The following ZNF701 variants were observed in gnomAD, a reference collection of about 807,000 sequenced individuals.
ZNF701 encodes the protein zinc finger protein 701.
In ZNF701, 6 loss-of-function variants were observed where a neutral mutation model predicts 7.1. The ratio of observed to expected loss-of-function variants is 0.84; its 90% CI spans 0.46 to 1.66. The LOEUF (loss-of-function observed/expected upper bound fraction) is 1.66. Among genes scored for constraint, ZNF701 ranks in the 40% most tolerant of loss-of-function variants. The pLI is 0.01. For synonymous variants in ZNF701, 166 were observed against 188.2 expected (o/e 0.88, Z 0.97); for missense variants, 541 against 559.2 (o/e 0.97, Z 0.33).
chr19:52,579,468 C>T (rs1430007809), intron 3 of ZNF701, among the ~76,000 whole-genome samples: 1 of 127,288 alleles, frequency 7.9e-6, no homozygotes, highest in Non-Finnish European at 1.5e-5. Context: ...TGCAGTGATC[C>T]GAGATTGTGC....
At chr19:52,588,135 C>G (rs895871417), downstream of ZNF701, among the ~76,000 whole-genome samples, 13 of 151,958 alleles carry the variant, frequency 8.6e-5, no homozygotes, top group African/African-American at 2.7e-4. Context: ...ATCTTTGTCC[C>G]TGGTGAGGTC....
At chr19:52,600,145 C>A in the ZNF701 span, among the ~76,000 whole-genome samples, 1 of 152,088 alleles carries the variant, frequency 6.6e-6, no homozygotes, top group Admixed American at 6.5e-5. Flanking sequence ...ATTTTTATTT[C>A]TTTATTATCG....
chr19:52,582,313 C>G lies in ZNF701; in HGVS notation c.254C>G (p.Thr85Ser), dbSNP rs765963118. The change falls in exon 4 of 4, where the codon ACT (threonine) becomes AGT (serine). Residue 85 changes from threonine (T) to serine (S), a missense_variant. Thr to Ser is a moderately conservative substitution (Grantham distance 58, BLOSUM62 1). Coordinates refer to ENST00000391785, the MANE Select transcript of ZNF701 (RefSeq NM_018260.3). ...QIHASHHIGD[T>S]CFQEIEKDIH... ...CATGCAAGTCATCACATTGGAGATA[C>G]TTGCTTCCAGGAAATTGAGAAAGAT... The G allele has an allele frequency of 5.0e-6, 8 of 1,614,044 alleles. No individual in the cohort carries two copies. Among genetic ancestry groups the G allele is most frequent in the Admixed American group, 1.7e-5 (1 of 60,002 alleles).
In ZNF701 at chr19:52,586,360, A is replaced by T. The variant is rs143674267; in HGVS notation, c.*2903A>T. ...CCCGCCTTATTTCTTAATTTAAAAAAAAAAATGTATATGTAGACTGAACGC... is the reference window on the plus strand; with the variant it reads ...CCCGCCTTATTTCTTAATTTAAAAATAAAAATGTATATGTAGACTGAACGC... On this transcript the variant is annotated 3_prime_UTR_variant, in exon 4 of 4. Coordinates refer to ENST00000391785, the MANE Select transcript of ZNF701 (RefSeq NM_018260.3). The T allele has an allele frequency of 2.8e-4, 42 of 152,162 alleles. No homozygotes were observed. The highest frequency in any genetic ancestry group is 9.9e-4 in the African/African-American group (41 of 41,552). 9.4% of individuals were successfully genotyped at this position (152,162 alleles called of 1,614,324 possible).
At chr19:52,597,407 T>C in the ZNF701 span, 3 of 525,504 alleles carry the variant, frequency 5.7e-6, no homozygotes, top group Non-Finnish European at 1.2e-5. Flanking sequence ...AGAAAATTCA[T>C]TTTTGAGATA....
chr19:52,571,207 G>A (rs1010093658), intron 1 of ZNF701, among the ~76,000 whole-genome samples: 29 of 151,368 alleles, frequency 1.9e-4, no homozygotes, highest in East Asian at 7.9e-4. Flanking sequence ...GTAGAGAGGG[G>A]CAGCAAAGAG....
In ZNF701 at chr19:52,584,066, T is replaced by C. The variant is rs921455969; in HGVS notation, c.*609T>C. On this transcript the variant is annotated 3_prime_UTR_variant, in exon 4 of 4. Coordinates refer to ENST00000391785, the MANE Select transcript of ZNF701 (RefSeq NM_018260.3). ...AGTGTGATGATTGTGAGCAAAGCCT[T>C]TACTTCACGTTCACACCACATTAGA... is the stretch of plus-strand genomic sequence containing the variant. The C allele has an allele frequency of 2.2e-5, 10 of 449,268 alleles. No homozygotes were observed. In the Admixed American group the frequency reaches 2.3e-4, roughly 10 times the overall value. The allele number at this position is 449,268 out of a possible 1,614,324, so 27.8% of individuals were successfully genotyped here.
intron 1 of ZNF701, chr19:52,572,654 C>T (rs1225820111): frequency 8.6e-6 from 3 of 347,410 alleles, no homozygotes; most frequent in Admixed American, 8.2e-5. Context: ...CTGAGGATGT[C>T]ACAGCTAAAT....
downstream of ZNF701, among the ~76,000 whole-genome samples, chr19:52,587,440 C>T (rs1203506230): frequency 6.6e-6 from 1 of 152,136 alleles, no homozygotes; most frequent in Admixed American, 6.5e-5. Context: ...TGTCCCTCTG[C>T]CTAGGACTCT....
At chr19:52,572,113 G>A (rs914812351) in intron 1 of ZNF701, 5 of 295,780 alleles carry the variant, frequency 1.7e-5, no homozygotes, top group East Asian at 1.2e-4. Context: ...ATGAGCCACC[G>A]AGCCCGGCCT....
At chr19:52,592,508 G>A in the ZNF701 span, among the ~76,000 whole-genome samples, 3 of 152,324 alleles carry the variant, frequency 2.0e-5, no homozygotes, top group East Asian at 3.9e-4. Flanking sequence ...GGCCCTGAGC[G>A]GAATTGTCAC....
At chr19:52,598,529 T>G in the ZNF701 span, 5 of 152,094 alleles carry the variant, frequency 3.3e-5, no homozygotes, top group African/African-American at 1.2e-4. Context: ...GGTCCTGGGT[T>G]GTTTGAGTGG....
intron 3 of ZNF701, among the ~76,000 whole-genome samples, 197 bp downstream of exon 3, chr19:52,576,218 T>G (rs1048062527): frequency 6.6e-6 from 1 of 152,110 alleles, no homozygotes; most frequent in Non-Finnish European, 1.5e-5. Flanking sequence ...GATAGCTCAG[T>G]GGGGGTTCCA....
At chr19:52,598,337 A>C in the ZNF701 span, among the ~76,000 whole-genome samples, 1 of 152,176 alleles carries the variant, frequency 6.6e-6, no homozygotes, top group African/African-American at 2.4e-5. Flanking sequence ...CTTAAGTTGA[A>C]AATGGTTTTA....
Position 52,582,309 on chromosome 19 carries a change from G to A in ZNF701, c.250G>A (p.Asp84Asn), listed in dbSNP as rs370733812. 1.0e-4 allele frequency: 161 copies of A among 1,614,050 alleles called. 1 individual carries two copies. Among genetic ancestry groups the A allele is most frequent in the Middle Eastern group, 8.2e-4 (5 of 6,062 alleles). ...LQIHASHHIG[D>N]TCFQEIEKDI... ...AATACATGCAAGTCATCACATTGGAGATACTTGCTTCCAGGAAATTGAGAA... is the reference window on the plus strand; with the variant it reads ...AATACATGCAAGTCATCACATTGGAAATACTTGCTTCCAGGAAATTGAGAA... Residue 84 changes from aspartate (D) to asparagine (N), a missense_variant, in exon 4 of 4, where the codon GAT (aspartate) becomes AAT (asparagine). Asp to Asn is a conservative substitution (Grantham distance 23). Transcript: ENST00000391785.
chr19:52,570,704 C>G (rs1188996367), intron 1 of ZNF701: 3 of 152,264 alleles, frequency 2.0e-5, no homozygotes, highest in Admixed American at 6.5e-5. Flanking sequence ...CGTCGCGATC[C>G]CAGTCTCAGG....
At chr19:52,597,631 C>T in the ZNF701 span, 5 of 354,472 alleles carry the variant, frequency 1.4e-5, no homozygotes, top group African/African-American at 1.1e-4. Context: ...CACAGCCACA[C>T]CTGGCTATGA....
the ZNF701 span, among the ~76,000 whole-genome samples, chr19:52,592,593 TTTTTGTTTCA>T: frequency 2.6e-5 from 4 of 152,108 alleles, no homozygotes; most frequent in Non-Finnish European, 5.9e-5. Context: ...GGTTTTGTGT[TTTTTGTTTCA>T]TTTTGTTTTT....
chr19:52,575,259 G>T (rs2059926468), intron 2 of ZNF701, among the ~76,000 whole-genome samples: 1 of 152,120 alleles, frequency 6.6e-6, no homozygotes, highest in Admixed American at 6.6e-5. Flanking sequence ...ATGAGCCACT[G>T]TGCCTGGCCT....
Sources: allele counts gnomAD v4.1 joint callset (sites outside exome capture counted in the v4.1 genomes callset), GRCh38; gene constraint gnomAD v4.1.1; transcripts MANE v1.5; gene names NCBI Gene and HGNC (gene_info 2026-07-23, HGNC 2026-07-21).